The following MEI4 variants were observed in gnomAD, a reference collection of about 807,000 sequenced individuals.
MEI4 encodes meiotic double-stranded break formation protein 4, also known as meiosis-specific protein MEI4.
In MEI4, 27 loss-of-function variants were observed where a neutral mutation model predicts 31.4. The ratio of observed to expected loss-of-function variants is 0.86; its 90% CI spans 0.63 to 1.19. The LOEUF (loss-of-function observed/expected upper bound fraction) is 1.19. MEI4 is among the 50% of genes most tolerant of loss of function. MEI4 has a pLI of 0.00. For missense variants in MEI4, 329 were observed against 398.9 expected (o/e 0.82, Z 1.49); for synonymous variants, 122 against 145.4 (o/e 0.84, Z 1.16).
chr6:77,777,025 C>T (rs1768465061), intron 3 of MEI4, among the ~76,000 whole-genome samples: 2 of 151,946 alleles, frequency 1.3e-5, no homozygotes, highest in Admixed American at 6.6e-5. Flanking sequence ...ATGTATGCAC[C>T]TAAAATATAT....
intron 4 of MEI4, among the ~76,000 whole-genome samples, chr6:77,845,884 G>GTTTTTT: frequency 1.4e-5 from 2 of 143,422 alleles, no homozygotes; most frequent in Non-Finnish European, 3.0e-5. Context: ...CAGAAGTCTT[G>GTTTTTT]TTTTTTTTTT....
rs575783699 is a variant in MEI4 at position 77,916,304 on chromosome 6, G to A, written c.901-6785G>A. 2.6e-5 allele frequency among the ~76,000 whole-genome samples: 4 copies of A among 151,994 alleles called. No homozygotes were observed. The East Asian group carries it at 7.8e-4, about 30-fold the overall frequency. On this transcript the variant is annotated intron_variant, in intron 4 of 4. Coordinates refer to ENST00000684080, the MANE Select transcript of MEI4 (RefSeq NM_001322247.2). Reference sequence around the variant, plus strand: ...TTGCTGGAGAATTACTGTGTTTAGTGGCAAAATCTTTCCTTTTATCATGTA... The same window carrying A: ...TTGCTGGAGAATTACTGTGTTTAGTAGCAAAATCTTTCCTTTTATCATGTA...
Position 77,710,953 on chromosome 6 carries a change from G to A in MEI4, c.232+20050G>A, listed in dbSNP as rs1437600887. ...TTAATTTTAATCTTTTTATTTTACT[G>A]GGATATTCTCTGAAGTACACTACAG... is the stretch of plus-strand genomic sequence containing the variant. On this transcript the variant is annotated intron_variant, in intron 2 of 4. Coordinates refer to ENST00000684080, the MANE Select transcript of MEI4 (RefSeq NM_001322247.2). Among the ~76,000 whole-genome samples, 4 of 152,200 alleles carry A rather than the reference G, an allele frequency of 2.6e-5. No individual in the cohort carries two copies. In the East Asian group the frequency reaches 5.8e-4, roughly 22 times the overall value.
intron 3 of MEI4, among the ~76,000 whole-genome samples, chr6:77,795,499 A>G (rs900363433): frequency 1.3e-5 from 2 of 152,122 alleles, no homozygotes; most frequent in African/African-American, 4.8e-5. Flanking sequence ...AACAAAACTA[A>G]GAGTCAGTTT....
chr6:77,705,841 T>C (rs1766319164), intron 2 of MEI4, among the ~76,000 whole-genome samples: 1 of 152,204 alleles, frequency 6.6e-6, no homozygotes, highest in Admixed American at 6.5e-5. Context: ...GGTATAGTAA[T>C]TAAATACATG....
chr6:77,735,217 C>G (rs1330219535), intron 2 of MEI4, among the ~76,000 whole-genome samples: 1 of 152,004 alleles, frequency 6.6e-6, no homozygotes, highest in Non-Finnish European at 1.5e-5. Flanking sequence ...TGGATAATAT[C>G]CTGCAGAGTG....
intron 3 of MEI4, among the ~76,000 whole-genome samples, chr6:77,774,549 G>A (rs1047079908): frequency 6.6e-6 from 1 of 152,056 alleles, no homozygotes; most frequent in African/African-American, 2.4e-5. Flanking sequence ...TTGGGACATA[G>A]AAGGCCTAAT....
chr6:77,726,350 T>C (rs1345668703), intron 2 of MEI4, among the ~76,000 whole-genome samples: 2 of 151,690 alleles, frequency 1.3e-5, no homozygotes, highest in Admixed American at 1.3e-4. Context: ...ATCTGATCTC[T>C]CTTGCTTTTC....
intron 3 of MEI4, among the ~76,000 whole-genome samples, chr6:77,816,136 T>G (rs1769683969): frequency 6.6e-6 from 1 of 152,148 alleles, no homozygotes; most frequent in Non-Finnish European, 1.5e-5. Context: ...CTATAAAATG[T>G]ACCTCTGGGT....
chr6:77,684,370 T>G (rs1295500082), intron 1 of MEI4, among the ~76,000 whole-genome samples: 1 of 152,130 alleles, frequency 6.6e-6, no homozygotes, highest in African/African-American at 2.4e-5. Context: ...CCTCAAACAT[T>G]TATCTTTTGA....
chr6:77,697,805 C>G (rs556036556), intron 2 of MEI4, among the ~76,000 whole-genome samples: 1 of 152,158 alleles, frequency 6.6e-6, no homozygotes, highest in Non-Finnish European at 1.5e-5. Context: ...GAGCTGAGTT[C>G]AATTCCTGGG....
In MEI4 at chr6:77,741,326, G is replaced by A. The variant is rs564028471; in HGVS notation, c.233-19804G>A. On this transcript the variant is annotated intron_variant, in intron 2 of 4. Transcript: ENST00000684080. Reference sequence around the variant, plus strand: ...TCCTGTAAGGTATGGGTAGCCTGTGGGAGATTTTAAGGAGAGAATTTCTGT... The same window carrying A: ...TCCTGTAAGGTATGGGTAGCCTGTGAGAGATTTTAAGGAGAGAATTTCTGT... Among the ~76,000 whole-genome samples the A allele has an allele frequency of 1.5e-4, 23 of 152,244 alleles. No individual in the cohort carries two copies. The South Asian group carries it at 3.1e-3, about 21-fold the overall frequency.
intron 3 of MEI4, among the ~76,000 whole-genome samples, chr6:77,805,837 A>G (rs1769417587): frequency 6.6e-6 from 1 of 151,690 alleles, no homozygotes; most frequent in South Asian, 2.1e-4. Flanking sequence ...CTGTAGCACA[A>G]GGACTTACAT....
intron 3 of MEI4, among the ~76,000 whole-genome samples, chr6:77,802,577 A>G (rs925480491): frequency 6.6e-6 from 1 of 152,176 alleles, no homozygotes; most frequent in African/African-American, 2.4e-5. Flanking sequence ...AATGGTCTTT[A>G]TAACTTGGCT....
intron 2 of MEI4, among the ~76,000 whole-genome samples, chr6:77,730,420 A>G (rs1478229418): frequency 6.6e-6 from 1 of 152,082 alleles, no homozygotes; most frequent in Non-Finnish European, 1.5e-5. Flanking sequence ...GTTTGTTAGG[A>G]AACGGAATTA....
chr6:77,727,005 G>A (rs1766842804), intron 2 of MEI4, among the ~76,000 whole-genome samples: 1 of 152,118 alleles, frequency 6.6e-6, no homozygotes, highest in African/African-American at 2.4e-5. Flanking sequence ...CTCTTGGGAG[G>A]GAAGGGGGAC....
chr6:77,915,320 A>G (rs1766520228), intron 4 of MEI4, among the ~76,000 whole-genome samples: 1 of 152,110 alleles, frequency 6.6e-6, no homozygotes, highest in Non-Finnish European at 1.5e-5. Flanking sequence ...TTGTAGGGCC[A>G]GTCTAATGGT....
chr6:77,678,653 A>T (rs1768893212), intron 1 of MEI4, among the ~76,000 whole-genome samples: 1 of 151,790 alleles, frequency 6.6e-6, no homozygotes. Flanking sequence ...TAATGAATAA[A>T]TATGTTATTT....
rs1582049802 is a variant in MEI4 at position 77,712,512 on chromosome 6, C to A, written c.232+21609C>A. Among the ~76,000 whole-genome samples, 3 of 152,180 alleles carry A rather than the reference C, an allele frequency of 2.0e-5. No homozygotes were observed. In the South Asian group the frequency reaches 6.2e-4, roughly 32 times the overall value. On this transcript the variant is annotated intron_variant, in intron 2 of 4. Coordinates refer to ENST00000684080, the MANE Select transcript of MEI4 (RefSeq NM_001322247.2). ...ATAGAAGTGGTGTGATGTTAGCAAC[C>A]ATTCTGACAATAGATATGAATAAGG...
Sources: gnomAD v4.1 joint callset for allele counts (sites outside exome capture counted in the v4.1 genomes callset) on GRCh38, gnomAD v4.1.1 for gene constraint, MANE v1.5 for transcripts, NCBI Gene and HGNC (gene_info 2026-07-23, HGNC 2026-07-21) for gene names.